Variants in KCNQ1 observed in about 807,000 individuals in gnomAD.
KCNQ1 encodes the protein potassium voltage-gated channel subfamily Q member 1, also known as potassium voltage-gated channel subfamily KQT member 1.
Under a neutral mutation model 72.4 loss-of-function variants are expected in KCNQ1, and 49 were observed. The observed-to-expected ratio is 0.68, with a 90% CI of 0.54 to 0.86. The LOEUF (loss-of-function observed/expected upper bound fraction) is 0.86. Among genes scored for constraint, KCNQ1 ranks in the 40% least tolerant of loss-of-function variants. The probability of loss-of-function intolerance (pLI) is 0.00; values close to 1 mark genes in which losing one functional copy is unlikely to be tolerated. For synonymous variants in KCNQ1, 450 were observed against 412.6 expected (o/e 1.09, Z -1.10); for missense variants, 790 against 945.1 (o/e 0.84, Z 2.15).
At position 2,509,534 on chromosome 11, in the gene KCNQ1, A is replaced by G. The variant is rs189268362; in HGVS notation, c.387-18394A>G. ...GGCAGGGCAGCCTGCTCAGAGGATGAGCCCAGCTATTCTGGGAAGCAGGCA... is the reference window on the plus strand; with the variant it reads ...GGCAGGGCAGCCTGCTCAGAGGATGGGCCCAGCTATTCTGGGAAGCAGGCA... On this transcript the variant is annotated intron_variant, in intron 1 of 15. Coordinates refer to ENST00000155840, the MANE Select transcript of KCNQ1 (RefSeq NM_000218.3). The surrounding 1 kb of genome is among the most constrained non-coding windows in gnomAD (Gnocchi z 6.3). 0.011 allele frequency among the ~76,000 whole-genome samples: 1,669 copies of G among 152,296 alleles called. 22 individuals are homozygous for G. The highest frequency in any genetic ancestry group is 0.037 in the African/African-American group (1,547 of 41,556).
Position 2,728,342 on chromosome 11 carries a change from C to G in KCNQ1, c.1515-40502C>G, listed in dbSNP as rs531702814. Among the ~76,000 whole-genome samples the G allele has an allele frequency of 4.6e-5, 7 of 152,366 alleles. No individual in the cohort carries two copies. In the South Asian group the frequency reaches 8.3e-4, roughly 18 times the overall value. On this transcript the variant is annotated intron_variant, in intron 11 of 15. Coordinates refer to ENST00000155840, the MANE Select transcript of KCNQ1 (RefSeq NM_000218.3). ...AGGACTCTTGTTCACAGTGCTATGC[C>G]TGACCCGGCGCCAGCCCTCAGGGGA...
chr11:2,543,880 T>C lies in KCNQ1; in HGVS notation c.477+15862T>C, dbSNP rs188342473. ...GTATCCTTTACCCAGTGAATCATCT[T>C]GACTCCTTTTAAGAGGTTCAGTTTA... On this transcript the variant is annotated intron_variant, in intron 2 of 15. Transcript: ENST00000155840. The surrounding 1 kb of genome is among the most constrained non-coding windows in gnomAD (Gnocchi z 5.6). Among the ~76,000 whole-genome samples, 2 of 152,334 alleles carry C rather than the reference T, an allele frequency of 1.3e-5. No homozygotes were observed. The highest frequency in any genetic ancestry group is 4.8e-5 in the African/African-American group (2 of 41,570).
chr11:2,786,091 T>C (rs1470422126), intron 15 of KCNQ1, among the ~76,000 whole-genome samples: 1 of 152,170 alleles, frequency 6.6e-6, no homozygotes, highest in Non-Finnish European at 1.5e-5. Flanking sequence ...CATCTGGGAT[T>C]ACCTTTTTAT....
At position 2,477,875 on chromosome 11, in the gene KCNQ1, C is replaced by T. The variant is rs1846594967; in HGVS notation, c.386+32391C>T. Among the ~76,000 whole-genome samples, 2 of 152,190 alleles carry T rather than the reference C, an allele frequency of 1.3e-5. No individual in the cohort carries two copies. On this transcript the variant is annotated intron_variant, in intron 1 of 15. Transcript: ENST00000155840. This position sits in a 1 kb window ranked among gnomAD's most constrained non-coding sequence, Gnocchi z 5.0. ...ATAAGTGGAAGAAAGGAATCCAGTT[C>T]TCACGTTAGAATCAACAGGGCTGGA...
intron 1 of KCNQ1, among the ~76,000 whole-genome samples, chr11:2,510,951 G>A (rs764823676): frequency 5.3e-5 from 8 of 152,138 alleles, no homozygotes; most frequent in Non-Finnish European, 1.0e-4. Flanking sequence ...CTCTCTACCC[G>A]ATTCAGATCC....
intron 15 of KCNQ1, among the ~76,000 whole-genome samples, chr11:2,821,369 C>T (rs1028095435): frequency 2.6e-5 from 4 of 152,208 alleles, no homozygotes; most frequent in East Asian, 1.9e-4. Flanking sequence ...CATGGGGTCA[C>T]GCCAGCCACA....
intron 11 of KCNQ1, among the ~76,000 whole-genome samples, chr11:2,744,752 A>G (rs1322421545): frequency 6.6e-6 from 1 of 152,190 alleles, no homozygotes; most frequent in African/African-American, 2.4e-5. Context: ...GTATTTTCCT[A>G]CATTTTCTTC....
chr11:2,524,986 C>T (rs1254886367), intron 1 of KCNQ1, among the ~76,000 whole-genome samples: 3 of 152,194 alleles, frequency 2.0e-5, no homozygotes, highest in Admixed American at 1.3e-4. Flanking sequence ...CTTCCCTGCT[C>T]ACTGCAAATC....
chr11:2,500,422 T>A (rs1846990817), intron 1 of KCNQ1, among the ~76,000 whole-genome samples: 1 of 152,206 alleles, frequency 6.6e-6, no homozygotes, highest in South Asian at 2.1e-4. Flanking sequence ...TTTACACTGT[T>A]GGTGGGAGTG....
rs1375785239 is a variant in KCNQ1 at position 2,808,350 on chromosome 11, A to G, written c.1794+30313A>G. 6.6e-6 allele frequency among the ~76,000 whole-genome samples: 1 copy of G among 152,202 alleles called. No individual in the cohort carries two copies. Among genetic ancestry groups the G allele is most frequent in the Admixed American group, 6.5e-5 (1 of 15,288 alleles). The stretch of plus-strand genomic sequence containing the variant: ...ACAGAGCTACCCCGGTCAAAAATAT[A>G]CCATGTAATTACAGACCAGGAAAAT... On this transcript the variant is annotated intron_variant, in intron 15 of 15. Coordinates refer to ENST00000155840, the MANE Select transcript of KCNQ1 (RefSeq NM_000218.3). This position sits in a 1 kb window ranked among gnomAD's most constrained non-coding sequence, Gnocchi z 6.0.
In KCNQ1 at chr11:2,471,995, T is replaced by A. The variant is rs1343054900; in HGVS notation, c.386+26511T>A. Among the ~76,000 whole-genome samples, 2 of 151,888 alleles carry A rather than the reference T, an allele frequency of 1.3e-5. No individual in the cohort carries two copies. Among genetic ancestry groups the A allele is most frequent in the Non-Finnish European group, 2.9e-5 (2 of 67,966 alleles). On this transcript the variant is annotated intron_variant, in intron 1 of 15. Coordinates refer to ENST00000155840, the MANE Select transcript of KCNQ1 (RefSeq NM_000218.3). This position sits in a 1 kb window ranked among gnomAD's most constrained non-coding sequence, Gnocchi z 4.8. ...GTGTGTGTGCACCTATGTGTATAAG[T>A]GTGTGTGCACATGTGTATAGGTGTA...
chr11:2,837,025 G>A (rs554259186), intron 15 of KCNQ1, among the ~76,000 whole-genome samples: 1 of 152,196 alleles, frequency 6.6e-6, no homozygotes, highest in Non-Finnish European at 1.5e-5. Flanking sequence ...CACCCCAGCC[G>A]CAGAGAGCCC....
chr11:2,742,299 C>G (rs912464637), intron 11 of KCNQ1, among the ~76,000 whole-genome samples: 2 of 152,156 alleles, frequency 1.3e-5, no homozygotes, highest in Admixed American at 1.3e-4. Context: ...AGGGGAAGCC[C>G]TGTGCCCCAA....
rs1174280139 is a variant in KCNQ1 at position 2,593,265 on chromosome 11, G to A, written c.1393+4411G>A. 6.6e-6 allele frequency among the ~76,000 whole-genome samples: 1 copy of A among 152,208 alleles called. No individual in the cohort carries two copies. Among genetic ancestry groups the A allele is most frequent in the Non-Finnish European group, 1.5e-5 (1 of 68,032 alleles). On this transcript the variant is annotated intron_variant, in intron 10 of 15. Coordinates refer to ENST00000155840, the MANE Select transcript of KCNQ1 (RefSeq NM_000218.3). This position sits in a 1 kb window ranked among gnomAD's most constrained non-coding sequence, Gnocchi z 6.9. ...CCTGAATGCCCCTAGGAGGCCAGAGGAGACTTCCCCAAATTCACTGGTCCT... is the reference window on the plus strand; with the variant it reads ...CCTGAATGCCCCTAGGAGGCCAGAGAAGACTTCCCCAAATTCACTGGTCCT...
Position 2,567,511 on chromosome 11 carries a change from C to A in KCNQ1, c.478-3117C>A, listed in dbSNP as rs1486626600. The stretch of plus-strand genomic sequence containing the variant: ...GTGGCCTTGGCCCTGGGTGTTGTCC[C>A]ACACAGCCCAGGAGAGCGTTTGAGG... On this transcript the variant is annotated intron_variant, in intron 2 of 15. Transcript: ENST00000155840. This position sits in a 1 kb window ranked among gnomAD's most constrained non-coding sequence, Gnocchi z 6.6. 6.6e-6 allele frequency among the ~76,000 whole-genome samples: 1 copy of A among 152,188 alleles called. No homozygotes were observed. The highest frequency in any genetic ancestry group is 1.5e-5 in the Non-Finnish European group (1 of 68,026).
rs1848358852 is a variant in KCNQ1 at position 2,572,828 on chromosome 11, G to A, written c.781-18G>A. On this transcript the variant is annotated intron_variant, in intron 5 of 15. Coordinates refer to ENST00000155840, the MANE Select transcript of KCNQ1 (RefSeq NM_000218.3). ...CCTGCGGTTCCTGGAGCCCGACACTGTGTGTTTTCTGGCCTAGGAGCTGAT... is the reference window on the plus strand; with the variant it reads ...CCTGCGGTTCCTGGAGCCCGACACTATGTGTTTTCTGGCCTAGGAGCTGAT... 1 of 1,613,348 alleles carries A rather than the reference G, an allele frequency of 6.2e-7. No homozygotes were observed. The highest frequency in any genetic ancestry group is 1.7e-4 in the Middle Eastern group (1 of 6,060).
Position 2,677,424 on chromosome 11 carries a change from AG to A in KCNQ1, c.1514+15347del, listed in dbSNP as rs1850313305. ...CTAGATAAGCATTTCAGAGGACAGC[AG>A]GGGAGATGATAATTGATGCAGGTGG... is the stretch of plus-strand genomic sequence containing the variant. On this transcript the variant is annotated intron_variant, in intron 11 of 15. Transcript: ENST00000155840. The surrounding 1 kb of genome is among the most constrained non-coding windows in gnomAD (Gnocchi z 4.5). 2.5e-6 allele frequency: 1 copy of A among 398,498 alleles called. No homozygotes were observed. Among genetic ancestry groups the A allele is most frequent in the Admixed American group, 4.4e-5 (1 of 22,720 alleles). 24.7% of individuals were successfully genotyped at this position (398,498 alleles called of 1,614,324 possible).
At chr11:2,589,255 TG>T (rs572229089) in intron 10 of KCNQ1, among the ~76,000 whole-genome samples, 201 of 152,202 alleles carry the variant, frequency 1.3e-3, no homozygotes, top group African/African-American at 4.7e-3. Context: ...GGTTTGGGGA[TG>T]GGGCCCTGGA....
At chr11:2,521,458 C>T (rs946414857) in intron 1 of KCNQ1, 4 of 464,866 alleles carry the variant, frequency 8.6e-6, no homozygotes, top group Middle Eastern at 3.3e-4. Flanking sequence ...CAAGTATTAA[C>T]GTAATTTTTA....
Sources: allele counts gnomAD v4.1 joint callset (sites outside exome capture counted in the v4.1 genomes callset), GRCh38; gene constraint gnomAD v4.1.1; non-coding constraint Gnocchi (gnomAD v3.1); transcripts MANE v1.5; gene names NCBI Gene and HGNC (gene_info 2026-07-23, HGNC 2026-07-21).